Variants in SELP observed in about 807,000 individuals in gnomAD.
The protein encoded by SELP is selectin P.
Under a neutral mutation model 104.1 loss-of-function variants are expected in SELP, and 92 were observed. The observed-to-expected ratio is 0.88, with a 90% CI of 0.75 to 1.05. The LOEUF (loss-of-function observed/expected upper bound fraction) is 1.05, where lower values mean the gene tolerates loss of function less well. Ranked by LOEUF, SELP falls within the 50% of genes least tolerant of loss-of-function variation. The pLI is 0.00. For synonymous variants in SELP, 397 were observed against 364.5 expected (o/e 1.09, Z -1.01); for missense variants, 1,022 against 1,017.3 (o/e 1.00, Z -0.06).
intron 10 of SELP, 101 bp from the exon 11 acceptor site, chr1:169,597,277 G>T: frequency 9.5e-7 from 1 of 1,047,764 alleles, no homozygotes; most frequent in Non-Finnish European, 1.3e-6. Flanking sequence ...TATTTATTAA[G>T]CACCTATATT....
chr1:169,605,386 C>T (rs947945178), intron 9 of SELP, among the ~76,000 whole-genome samples: 3 of 151,940 alleles, frequency 2.0e-5, no homozygotes, highest in East Asian at 3.9e-4. Context: ...CGATGAAGGA[C>T]ATTCAATTCT....
Position 169,589,785 on chromosome 1 carries a change from A to G in SELP, c.*2-324T>C, listed in dbSNP as rs551981836. ...TATTTTTGTTTTTCCAGCAGGTAGC[A>G]TAGGGAATTGACTCCATAACAGTTC... On this transcript the variant is annotated intron_variant, in intron 16 of 16. Transcript: ENST00000263686. 3.9e-5 allele frequency among the ~76,000 whole-genome samples: 6 copies of G among 152,350 alleles called. No individual in the cohort carries two copies. In the East Asian group the frequency reaches 1.2e-3, roughly 29 times the overall value.
In SELP at chr1:169,603,126, T is replaced by G. The variant is rs2101885560; in HGVS notation, c.1605A>C (p.Thr535=). 6.2e-7 allele frequency: 1 copy of G among 1,614,062 alleles called. No individual in the cohort carries two copies. Among genetic ancestry groups the G allele is most frequent in the Non-Finnish European group, 8.5e-7 (1 of 1,179,976 alleles). ...ATCCCTCGTCACAGATGAATTGACA[T>G]GTGGATTTATAACTGGAACTTCCAA... The part of the protein sequence containing the change: ...QPLGSSSYKS[T]CQFICDEGYS... The change falls in exon 10 of 17, where the codon ACA becomes ACC. Residue 535 remains threonine, a synonymous_variant. Coordinates refer to ENST00000263686, the MANE Select transcript of SELP (RefSeq NM_003005.4).
At chr1:169,609,952 A>C (rs111446298) in intron 7 of SELP, among the ~76,000 whole-genome samples, 2 of 152,154 alleles carry the variant, frequency 1.3e-5, no homozygotes, top group Admixed American at 1.3e-4. Context: ...CTAAGGGTAG[A>C]AGCCCCTGCA....
At position 169,627,866 on chromosome 1, in the gene SELP, T is replaced by C. The variant is rs3917663; in HGVS notation, c.3+2206A>G. 7.8e-4 allele frequency among the ~76,000 whole-genome samples: 119 copies of C among 152,208 alleles called. 1 individual carries two copies. The highest frequency in any genetic ancestry group is 1.3e-3 in the Non-Finnish European group (85 of 68,000). On this transcript the variant is annotated intron_variant, in intron 1 of 16. Coordinates refer to ENST00000263686, the MANE Select transcript of SELP (RefSeq NM_003005.4). ...GTTAAAAGGTATAAATGGACGAAAA[T>C]CCAGACCTGCTCCTTAGCCCACTAA...
At chr1:169,613,564 A>G (rs756892261) in intron 4 of SELP, 22 bp downstream of exon 4, 16 of 1,585,550 alleles carry the variant, frequency 1.0e-5, no homozygotes, top group African/African-American at 9.4e-5. Context: ...CCAAAATAAT[A>G]TCAACAAAAA....
In SELP at chr1:169,619,126, T is replaced by C. The variant is rs769805039; in HGVS notation, c.94+3A>G. 6.2e-7 allele frequency: 1 copy of C among 1,610,546 alleles called. No homozygotes were observed. Among genetic ancestry groups the C allele is most frequent in the Non-Finnish European group, 8.5e-7 (1 of 1,176,952 alleles). On this transcript the variant is annotated splice_donor_region_variant and intron_variant, in intron 2 of 16. Coordinates refer to ENST00000263686, the MANE Select transcript of SELP (RefSeq NM_003005.4). ...CTAAGTGAAAAGTTAGCATAAAGTT[T>C]ACCAGAGATCAGGGCACTGAAGCAA... is the stretch of plus-strand genomic sequence containing the variant.
At position 169,629,945 on chromosome 1, in the gene SELP, G is replaced by C. The variant is rs147715209; in HGVS notation, c.3+127C>G. On this transcript the variant is annotated intron_variant, in intron 1 of 16. Transcript: ENST00000263686. ...TTAAAAGTACTCACAAAATCTAATA[G>C]GCAATTCAACATAAAACTCCATGGC... The C allele has an allele frequency of 2.5e-6, 3 of 1,202,058 alleles. No homozygotes were observed. The East Asian group carries it at 7.0e-5, about 28-fold the overall frequency. 74.5% of individuals were successfully genotyped at this position (1,202,058 alleles called of 1,614,324 possible).
At position 169,619,168 on chromosome 1, in the gene SELP, C is replaced by T. The variant is rs768049868; in HGVS notation, c.55G>A (p.Gly19Arg). Residue 19 changes from glycine to arginine, a missense_variant, in exon 2 of 17, where the codon GGA becomes AGA. Transcript: ENST00000263686. ...CTGAAGCAAAGGAGTTGGGAAATTC[C>T]AAAGACCACTCTCTGGAATCTCTGG... is the stretch of plus-strand genomic sequence containing the variant. Reference protein sequence around the residue: ...LYQRFQRVVFGISQLLCFSAL... With the variant: ...LYQRFQRVVFRISQLLCFSAL... 1 of 1,614,008 alleles carries T rather than the reference C, an allele frequency of 6.2e-7. No individual in the cohort carries two copies. The highest frequency in any genetic ancestry group is 1.1e-5 in the South Asian group (1 of 91,072).
Position 169,620,109 on chromosome 1 carries a change from G to A in SELP, c.4-890C>T, listed in dbSNP as rs552552669. ...TGTAATCCCAGCTCCTTGGGAGGTC[G>A]AGGCAGGAGAATCGCTTGAACCCGG... On this transcript the variant is annotated intron_variant, in intron 1 of 16. Transcript: ENST00000263686. 5.9e-5 allele frequency among the ~76,000 whole-genome samples: 9 copies of A among 152,164 alleles called. No homozygotes were observed. The South Asian group carries it at 1.5e-3, about 25-fold the overall frequency.
In SELP at chr1:169,611,518, C is replaced by G. The variant is rs1383091440; in HGVS notation, c.1121G>C (p.Trp374Ser). 6 of 1,613,870 alleles carry G rather than the reference C, an allele frequency of 3.7e-6. No homozygotes were observed. The highest frequency in any genetic ancestry group is 5.1e-6 in the Non-Finnish European group (6 of 1,179,986). The change falls in exon 7 of 17, where the codon TGG becomes TCG. Residue 374 changes from tryptophan to serine, a missense_variant. Coordinates refer to ENST00000263686, the MANE Select transcript of SELP (RefSeq NM_003005.4). ...CTCACAGGTTGGCAAGGGTGCAGACCAGTGTCCAGAGTCAATGCAGCGGAG... is the reference window on the plus strand; with the variant it reads ...CTCACAGGTTGGCAAGGGTGCAGACGAGTGTCCAGAGTCAATGCAGCGGAG... ...DMLRCIDSGHWSAPLPTCEAI... is the reference protein window; with the variant it reads ...DMLRCIDSGHSSAPLPTCEAI...
intron 10 of SELP, among the ~76,000 whole-genome samples, chr1:169,597,438 G>C (rs554540627): frequency 4.1e-4 from 63 of 152,218 alleles, no homozygotes; most frequent in African/African-American, 1.5e-3. Context: ...CCATACTCAA[G>C]AACTTACAAT....
At chr1:169,606,159 A>C (rs1165360346) in intron 9 of SELP, among the ~76,000 whole-genome samples, 3 of 152,168 alleles carry the variant, frequency 2.0e-5, no homozygotes, top group Non-Finnish European at 4.4e-5. Context: ...TCTACCAAAA[A>C]TACAAAAATT....
Position 169,609,673 on chromosome 1 carries a change from C to A in SELP, c.1164G>T (p.Pro388=). 1 of 1,611,288 alleles carries A rather than the reference C, an allele frequency of 6.2e-7. No homozygotes were observed. Among genetic ancestry groups the A allele is most frequent in the Non-Finnish European group, 8.5e-7 (1 of 1,178,664 alleles). The change falls in exon 8 of 17, where the codon CCG becomes CCT. Residue 388 remains proline, a synonymous_variant. Coordinates refer to ENST00000263686, the MANE Select transcript of SELP (RefSeq NM_003005.4). ...TGCTTCCGTGGACAGGACTCTCCAG[C>A]GGCTCACACGAAATAGCTAAGTGGA... is the stretch of plus-strand genomic sequence containing the variant. ...LPTCEAISCE[P]LESPVHGSMD... is the part of the protein sequence containing the mutation.
At chr1:169,606,026 C>G (rs982809591) in intron 9 of SELP, among the ~76,000 whole-genome samples, 2 of 152,244 alleles carry the variant, frequency 1.3e-5, no homozygotes, top group African/African-American at 4.8e-5. Flanking sequence ...TGTTAAATAT[C>G]AAGTACAAGG....
intron 10 of SELP, among the ~76,000 whole-genome samples, chr1:169,598,072 T>G (rs191328638): frequency 9.2e-5 from 14 of 152,312 alleles, no homozygotes; most frequent in Admixed American, 8.5e-4. Flanking sequence ...CATCCCAGGA[T>G]CTCAAGAGGC....
chr1:169,616,402 G>A (rs781069507), intron 3 of SELP, among the ~76,000 whole-genome samples: 1 of 152,170 alleles, frequency 6.6e-6, no homozygotes. Context: ...AACTAGCTTA[G>A]AACCCTGGGC....
rs375445759 is a variant in SELP at position 169,613,146 on chromosome 1, C to T, written c.590-32G>A. The stretch of plus-strand genomic sequence containing the variant: ...GAGACAAAATAGTGATTTTTATTTT[C>T]CATGTAGAATTAACAGCAATGTCAT... On this transcript the variant is annotated intron_variant, in intron 4 of 16. Transcript: ENST00000263686. 8.4e-6 allele frequency: 13 copies of T among 1,545,596 alleles called. No individual in the cohort carries two copies. The East Asian group carries it at 2.3e-4, about 27-fold the overall frequency.
chr1:169,595,940 T>A lies in SELP; in HGVS notation c.2086A>T (p.Thr696Ser). The A allele has an allele frequency of 1.2e-6, 2 of 1,613,498 alleles. No individual in the cohort carries two copies. Among genetic ancestry groups the A allele is most frequent in the Non-Finnish European group, 1.7e-6 (2 of 1,179,712 alleles). Residue 696 changes from threonine (T) to serine (S), a missense_variant, in exon 12 of 17, where the codon ACT becomes TCT. Thr to Ser is a moderately conservative substitution (Grantham distance 58). Transcript: ENST00000263686. ...TTCACCTTACCTCTGCATGCTGGAGTTACTGCTGTCCATTGTCCTGAAGGT... is the reference window on the plus strand; with the variant it reads ...TTCACCTTACCTCTGCATGCTGGAGATACTGCTGTCCATTGTCCTGAAGGT... ...CRPSGQWTAV[T>S]PACRAVKCSE...
Sources: gnomAD v4.1 joint callset for allele counts (sites outside exome capture counted in the v4.1 genomes callset) on GRCh38, gnomAD v4.1.1 for gene constraint, MANE v1.5 for transcripts, NCBI Gene and HGNC (gene_info 2026-07-23, HGNC 2026-07-21) for gene names.